The following FRMD5 variants were observed in gnomAD, a reference collection of about 807,000 sequenced individuals.
The protein encoded by FRMD5 is FERM domain containing 5, also known as FERM domain-containing protein 5.
A neutral mutation model predicts 69.0 loss-of-function variants in FRMD5; 20 were observed. That is an observed-to-expected ratio of 0.29 (90% CI 0.20 to 0.42). The LOEUF (loss-of-function observed/expected upper bound fraction) is 0.42, where lower values mean the gene tolerates loss of function less well. FRMD5 is among the 10% of genes least tolerant of loss of function. The pLI, the probability that FRMD5 is intolerant of heterozygous loss-of-function variation, is 1.00. For missense variants in FRMD5, 595 were observed against 708.6 expected (o/e 0.84, Z 1.82); for synonymous variants, 271 against 260.1 (o/e 1.04, Z -0.40).
At chr15:44,116,232 G>C (rs1052252995) in intron 1 of FRMD5, among the ~76,000 whole-genome samples, 7 of 150,432 alleles carry the variant, frequency 4.7e-5, no homozygotes, top group Admixed American at 2.0e-4. Flanking sequence ...TATATAGAGA[G>C]AGAGAGAGAG....
intron 1 of FRMD5, among the ~76,000 whole-genome samples, chr15:44,187,691 C>T (rs1272596857): frequency 6.6e-6 from 1 of 152,084 alleles, no homozygotes; most frequent in Non-Finnish European, 1.5e-5. Context: ...CCTCAGCCCC[C>T]TCATGTAGCT....
chr15:43,892,415 T>C (rs996406315), intron 7 of FRMD5, among the ~76,000 whole-genome samples: 6 of 152,174 alleles, frequency 3.9e-5, no homozygotes, highest in Admixed American at 2.0e-4. Context: ...GAGAAAGAGT[T>C]TGAAAGTCAT....
chr15:43,961,863 G>T (rs2090207309), intron 1 of FRMD5, among the ~76,000 whole-genome samples: 1 of 152,132 alleles, frequency 6.6e-6, no homozygotes, highest in Non-Finnish European at 1.5e-5. Context: ...AACCCTTCAT[G>T]CTAAAAACTC....
At chr15:44,112,901 A>G (rs1265871594) in intron 1 of FRMD5, among the ~76,000 whole-genome samples, 1 of 152,132 alleles carries the variant, frequency 6.6e-6, no homozygotes, top group Admixed American at 6.6e-5. Context: ...GGCCACCTTC[A>G]CTGATTTTTT....
intron 1 of FRMD5, among the ~76,000 whole-genome samples, chr15:44,055,904 T>A (rs990589314): frequency 6.6e-6 from 1 of 152,160 alleles, no homozygotes; most frequent in African/African-American, 2.4e-5. Flanking sequence ...TGATTATACA[T>A]CTCCTTTTCT....
chr15:44,145,606 G>A (rs1008874998), intron 1 of FRMD5, among the ~76,000 whole-genome samples: 1 of 152,140 alleles, frequency 6.6e-6, no homozygotes. Context: ...AACTCATTTT[G>A]AACAGGACTC....
At chr15:44,157,409 A>T (rs996199819) in intron 1 of FRMD5, among the ~76,000 whole-genome samples, 4 of 152,228 alleles carry the variant, frequency 2.6e-5, no homozygotes, top group African/African-American at 7.2e-5. Flanking sequence ...ACTTTGGGTC[A>T]TGTGATTATA....
At chr15:43,922,833 C>T (rs766353295) in intron 2 of FRMD5, among the ~76,000 whole-genome samples, 12 of 152,022 alleles carry the variant, frequency 7.9e-5, no homozygotes, top group South Asian at 2.1e-4. Context: ...ACCATTTCCG[C>T]GAATTTTTGT....
intron 1 of FRMD5, among the ~76,000 whole-genome samples, chr15:43,950,024 T>C (rs757839277): frequency 8.5e-5 from 13 of 152,290 alleles, no homozygotes; most frequent in Middle Eastern, 3.4e-3. Flanking sequence ...TATGCCTCAG[T>C]TTCTTGAACT....
intron 1 of FRMD5, among the ~76,000 whole-genome samples, chr15:44,029,063 T>C (rs1891563119): frequency 1.3e-5 from 2 of 152,182 alleles, no homozygotes. Flanking sequence ...CAACAAATAT[T>C]TGCCAAATGA....
intron 1 of FRMD5, among the ~76,000 whole-genome samples, chr15:44,155,250 G>A (rs1250487273): frequency 6.6e-6 from 1 of 151,966 alleles, no homozygotes; most frequent in Non-Finnish European, 1.5e-5. Flanking sequence ...TGGCCAACAC[G>A]GTGAAACCCC....
chr15:44,011,449 C>T (rs746785054), intron 1 of FRMD5, among the ~76,000 whole-genome samples: 2 of 152,130 alleles, frequency 1.3e-5, no homozygotes, highest in African/African-American at 2.4e-5. Context: ...CATTCAAGAA[C>T]AGGTGCCCAG....
intron 1 of FRMD5, among the ~76,000 whole-genome samples, chr15:44,178,297 C>G (rs1286712489): frequency 6.6e-6 from 1 of 151,754 alleles, no homozygotes; most frequent in African/African-American, 2.4e-5. Context: ...TGCACTCCAG[C>G]CTGGGTTACA....
chr15:44,135,917 G>T (rs1214941853), intron 1 of FRMD5, among the ~76,000 whole-genome samples: 2 of 151,474 alleles, frequency 1.3e-5, no homozygotes, highest in African/African-American at 4.8e-5. Flanking sequence ...CTTATTTCCT[G>T]AACTATATTC....
intron 1 of FRMD5, among the ~76,000 whole-genome samples, chr15:44,160,924 C>G (rs752148070): frequency 6.6e-6 from 1 of 152,150 alleles, no homozygotes; most frequent in Non-Finnish European, 1.5e-5. Flanking sequence ...AAATTGCTCA[C>G]TTGTTGGGGA....
At chr15:43,968,831 C>T (rs894804949) in intron 1 of FRMD5, among the ~76,000 whole-genome samples, 1 of 152,090 alleles carries the variant, frequency 6.6e-6, no homozygotes, top group Admixed American at 6.5e-5. Flanking sequence ...TTTATTCTCA[C>T]ATTGCTTAGG....
intron 1 of FRMD5, among the ~76,000 whole-genome samples, chr15:44,068,522 A>G (rs1893404108): frequency 6.6e-6 from 1 of 152,222 alleles, no homozygotes; most frequent in Non-Finnish European, 1.5e-5. Flanking sequence ...TTCCGTTTAT[A>G]TGAAATGTCC....
At chr15:44,142,640 C>G (rs1053460247) in intron 1 of FRMD5, among the ~76,000 whole-genome samples, 1 of 152,024 alleles carries the variant, frequency 6.6e-6, no homozygotes, top group Non-Finnish European at 1.5e-5. Flanking sequence ...GAACTGGTAA[C>G]GCTAAGAAAT....
At chr15:43,888,650 C>A (rs2140365640) in intron 9 of FRMD5, among the ~76,000 whole-genome samples, 159 bp downstream of exon 9, 1 of 152,332 alleles carries the variant, frequency 6.6e-6, no homozygotes, top group Non-Finnish European at 1.5e-5. Flanking sequence ...GCTCCAGGGC[C>A]TTCCCGCTCC....
Sources: allele counts gnomAD v4.1 joint callset (sites outside exome capture counted in the v4.1 genomes callset), GRCh38; gene constraint gnomAD v4.1.1; transcripts MANE v1.5; gene names NCBI Gene and HGNC (gene_info 2026-07-23, HGNC 2026-07-21).